Variants in CSMD2 observed in about 807,000 individuals in gnomAD.
The protein encoded by CSMD2 is CUB and sushi domain-containing protein 2.
CSMD2 carries 130 observed loss-of-function variants against 398.5 expected under a neutral mutation model. The ratio of observed to expected loss-of-function variants is 0.33; its 90% CI spans 0.28 to 0.38. The LOEUF (loss-of-function observed/expected upper bound fraction) is 0.38, where lower values mean the gene tolerates loss of function less well. Among genes scored for constraint, CSMD2 ranks in the 10% least tolerant of loss-of-function variants. The pLI, the probability that CSMD2 is intolerant of heterozygous loss-of-function variation, is 1.00. For synonymous variants in CSMD2, 1,828 were observed against 1,908.5 expected (o/e 0.96, Z 1.10); for missense variants, 3,829 against 4,764.9 (o/e 0.80, Z 5.78).
In CSMD2 at chr1:34,163,451, C is replaced by G. The variant is rs1246087238; in HGVS notation, c.187+1460G>C. Among the ~76,000 whole-genome samples the G allele has an allele frequency of 6.6e-6, 1 of 152,148 alleles. No homozygotes were observed. Among genetic ancestry groups the G allele is most frequent in the Non-Finnish European group, 1.5e-5 (1 of 68,032 alleles). The stretch of plus-strand genomic sequence containing the variant: ...GCTGGCTCGGGGCGCCCTCCCTGAC[C>G]AAGAACCCCAACATGCCGCGGTTAA... On this transcript the variant is annotated intron_variant, in intron 1 of 70. Transcript: ENST00000373381. The surrounding 1 kb of genome is among the most constrained non-coding windows in gnomAD (Gnocchi z 5.4).
Position 33,739,334 on chromosome 1 carries a change from G to C in CSMD2, c.2174C>G (p.Thr725Ser). 1 of 1,611,742 alleles carries C rather than the reference G, an allele frequency of 6.2e-7. No homozygotes were observed. Among genetic ancestry groups the C allele is most frequent in the Non-Finnish European group, 8.5e-7 (1 of 1,178,806 alleles). ...GKRGFNITFT[T>S]FRHNECPDPG... Reference sequence around the variant, plus strand: ...ATCCGGGCACTCGTTGTGTCGGAAGGCTGTGTAGATGGAGTTCAAGGACAT... The same window carrying C: ...ATCCGGGCACTCGTTGTGTCGGAAGCCTGTGTAGATGGAGTTCAAGGACAT... Residue 725 changes from threonine to serine, a missense_variant and splice_region_variant, in exon 15 of 71, where the codon ACC becomes AGC. Around this residue, in one of 5 missense-constraint regions of CSMD2, gnomAD observed 2,001 missense variants for 2,567.1 expected, o/e 0.78. Transcript: ENST00000373381.
intron 5 of CSMD2, chr1:33,863,946 C>T (rs192872121): frequency 3.8e-5 from 17 of 441,742 alleles, no homozygotes; most frequent in African/African-American, 1.6e-4. Context: ...CCAACCAATA[C>T]GAGCACCTGT....
chr1:33,702,003 C>A (rs1047263199), intron 22 of CSMD2, among the ~76,000 whole-genome samples: 2 of 152,156 alleles, frequency 1.3e-5, no homozygotes, highest in Non-Finnish European at 2.9e-5. Flanking sequence ...CAGACCTGAT[C>A]AGATCAAGCC....
intron 24 of CSMD2, 103 bp downstream of exon 24, chr1:33,698,649 GC>G: frequency 5.6e-6 from 6 of 1,063,606 alleles, no homozygotes; most frequent in South Asian, 3.5e-5. Context: ...CAAGTTGATG[GC>G]CCCCAGGCCC....
intron 10 of CSMD2, among the ~76,000 whole-genome samples, chr1:33,806,377 T>C (rs1002818200): frequency 1.3e-5 from 2 of 152,150 alleles, no homozygotes; most frequent in East Asian, 3.9e-4. Flanking sequence ...GAATTTTGTG[T>C]GAAGAGGTTT....
At chr1:34,018,930 T>C (rs1558254418) in intron 3 of CSMD2, among the ~76,000 whole-genome samples, 1 of 152,246 alleles carries the variant, frequency 6.6e-6, no homozygotes, top group Non-Finnish European at 1.5e-5. Context: ...TATAGTGGAA[T>C]ATTTAATTTG....
chr1:33,864,346 T>C, intron 5 of CSMD2: 2 of 1,613,842 alleles, frequency 1.2e-6, no homozygotes, highest in South Asian at 1.1e-5. Flanking sequence ...TGGAGATCCA[T>C]CTCAAAGCAT....
chr1:34,073,230 A>C (rs1655940873), intron 2 of CSMD2, among the ~76,000 whole-genome samples: 1 of 152,240 alleles, frequency 6.6e-6, no homozygotes, highest in South Asian at 2.1e-4. Flanking sequence ...CAAATTTGCC[A>C]GCATTTAGGG....
At chr1:33,521,053 C>T (rs368159869) in intron 68 of CSMD2, among the ~76,000 whole-genome samples, 9 of 152,214 alleles carry the variant, frequency 5.9e-5, no homozygotes, top group African/African-American at 2.2e-4. Flanking sequence ...AACCAGTCTT[C>T]TAGGGCTGGG....
chr1:33,568,205 T>TG (rs35618707), intron 52 of CSMD2, among the ~76,000 whole-genome samples: 2 of 151,242 alleles, frequency 1.3e-5, no homozygotes, highest in African/African-American at 4.9e-5. Context: ...TTTTTTTTTT[T>TG]GAGACAAGAT....
At chr1:33,877,202 T>C (rs1001924852) in intron 5 of CSMD2, among the ~76,000 whole-genome samples, 8 of 152,132 alleles carry the variant, frequency 5.3e-5, no homozygotes, top group Non-Finnish European at 7.3e-5. Context: ...AGGATGGCTA[T>C]GGCGCACAGC....
At chr1:33,645,344 T>C (rs72890880) in intron 29 of CSMD2, among the ~76,000 whole-genome samples, 18 of 136,370 alleles carry the variant, frequency 1.3e-4, no homozygotes, top group African/African-American at 4.2e-4. Flanking sequence ...TGGAGCATTA[T>C]ACACACACAC....
At chr1:34,128,625 G>T (rs1293409195) in intron 1 of CSMD2, among the ~76,000 whole-genome samples, 1 of 152,196 alleles carries the variant, frequency 6.6e-6, no homozygotes. Context: ...AGCCTGGCAG[G>T]CTCTGTGCAG....
intron 9 of CSMD2, among the ~76,000 whole-genome samples, chr1:33,816,463 C>G (rs768802357): frequency 4.6e-5 from 7 of 152,134 alleles, no homozygotes; most frequent in Middle Eastern, 3.2e-3. Context: ...GGAGGGGAGA[C>G]TAGAAATCCC....
chr1:33,967,526 T>A (rs2125411634), intron 3 of CSMD2, among the ~76,000 whole-genome samples: 1 of 152,320 alleles, frequency 6.6e-6, no homozygotes, highest in South Asian at 2.1e-4. Flanking sequence ...TCCGTAGTGA[T>A]CCACGTCCCC....
intron 5 of CSMD2, among the ~76,000 whole-genome samples, chr1:33,912,683 C>A (rs75409110): frequency 6.6e-6 from 1 of 152,256 alleles, no homozygotes; most frequent in African/African-American, 2.4e-5. Context: ...ATGGTCCCTG[C>A]CCCCCTACTC....
chr1:34,050,584 G>A (rs1475120715), intron 2 of CSMD2, among the ~76,000 whole-genome samples: 5 of 152,194 alleles, frequency 3.3e-5, no homozygotes, highest in African/African-American at 9.7e-5. Context: ...GCAATACCTT[G>A]CAGCGCTGGG....
chr1:33,556,533 G>C (rs1657992248), intron 55 of CSMD2, among the ~76,000 whole-genome samples: 1 of 152,184 alleles, frequency 6.6e-6, no homozygotes, highest in Non-Finnish European at 1.5e-5. Flanking sequence ...GAAGATGGGG[G>C]AGAGAGAAAT....
At chr1:34,132,349 G>A (rs1050380238) in intron 1 of CSMD2, among the ~76,000 whole-genome samples, 78 of 149,278 alleles carry the variant, frequency 5.2e-4, no homozygotes, top group Non-Finnish European at 2.4e-4. Context: ...GGTAACAGGT[G>A]GCACCCACCG....
Sources: gnomAD v4.1 joint callset for allele counts (sites outside exome capture counted in the v4.1 genomes callset) on GRCh38, gnomAD v4.1.1 for gene constraint, gnomAD v4.1.1 regional missense constraint, Gnocchi (gnomAD v3.1) non-coding constraint, MANE v1.5 for transcripts, NCBI Gene and HGNC (gene_info 2026-07-23, HGNC 2026-07-21) for gene names.